Variants in RBFOX1 observed in about 807,000 individuals in gnomAD.
RBFOX1 encodes RNA binding protein fox-1 homolog 1.
Under a neutral mutation model 57.7 loss-of-function variants are expected in RBFOX1, and 8 were observed. The ratio of observed to expected loss-of-function variants is 0.14; its 90% CI spans 0.08 to 0.25. RBFOX1 has a LOEUF of 0.25. RBFOX1 is among the 10% of genes least tolerant of loss of function. The pLI is 1.00. For missense variants in RBFOX1, 611 were observed against 548.5 expected, an observed-to-expected ratio of 1.11 and a Z score of -1.14; for synonymous variants, 326 against 222.4, an observed-to-expected ratio of 1.47 and a Z score of -4.15.
chr16:6,378,770 C>G (rs1313638558), intron 2 of RBFOX1, among the ~76,000 whole-genome samples: 1 of 152,164 alleles, frequency 6.6e-6, no homozygotes. Flanking sequence ...TTATTTCCCT[C>G]ATTGCTATTA....
chr16:6,875,431 C>CTT (rs1182165791), intron 3 of RBFOX1, among the ~76,000 whole-genome samples: 1 of 152,100 alleles, frequency 6.6e-6, no homozygotes, highest in Non-Finnish European at 1.5e-5. Flanking sequence ...CAATGTGTGG[C>CTT]TTCTTCCCAG....
chr16:6,644,956 A>G (rs547591553), intron 2 of RBFOX1, among the ~76,000 whole-genome samples: 1 of 152,252 alleles, frequency 6.6e-6, no homozygotes, highest in Non-Finnish European at 1.5e-5. Flanking sequence ...AATCATCACA[A>G]TCTAGGTGCT....
chr16:7,079,143 T>C (rs2058770569), intron 4 of RBFOX1, among the ~76,000 whole-genome samples: 1 of 152,098 alleles, frequency 6.6e-6, no homozygotes, highest in Non-Finnish European at 1.5e-5. Flanking sequence ...ACATTGTCTG[T>C]TGCTGTAGGA....
chr16:5,473,457 G>A (rs2069207837), intron 2 of RBFOX1, among the ~76,000 whole-genome samples: 1 of 151,614 alleles, frequency 6.6e-6, no homozygotes, highest in South Asian at 2.1e-4. Flanking sequence ...TTCCTAATAA[G>A]CAGTACCTCA....
At chr16:5,269,383 A>G (rs2062946623) in intron 1 of RBFOX1, among the ~76,000 whole-genome samples, 1 of 152,258 alleles carries the variant, frequency 6.6e-6, no homozygotes, top group Admixed American at 6.5e-5. Flanking sequence ...TCATATTCAA[A>G]AATGAAAGCA....
chr16:5,656,552 T>C (rs1039730901), intron 3 of RBFOX1, among the ~76,000 whole-genome samples: 4 of 152,214 alleles, frequency 2.6e-5, no homozygotes, highest in African/African-American at 9.6e-5. Context: ...TCTTACACCA[T>C]AAACCTGTCC....
intron 3 of RBFOX1, among the ~76,000 whole-genome samples, chr16:6,764,677 C>T (rs924517570): frequency 1.1e-4 from 17 of 152,290 alleles, no homozygotes; most frequent in African/African-American, 4.1e-4. Flanking sequence ...TGGCTCACGC[C>T]TGTAATCCCA....
intron 4 of RBFOX1, among the ~76,000 whole-genome samples, chr16:5,955,262 C>G (rs924153858): frequency 6.9e-6 from 1 of 144,604 alleles, no homozygotes; most frequent in Non-Finnish European, 1.5e-5. Context: ...GCCTGGGTGA[C>G]AAGAGTGAGA....
At chr16:7,456,719 C>T (rs971368091) in intron 4 of RBFOX1, among the ~76,000 whole-genome samples, 3 of 151,994 alleles carry the variant, frequency 2.0e-5, no homozygotes, top group East Asian at 1.9e-4. Context: ...GATGGGTGCC[C>T]GTAGAATCGC....
chr16:5,450,852 G>C (rs747407612), intron 1 of RBFOX1, among the ~76,000 whole-genome samples: 1 of 152,178 alleles, frequency 6.6e-6, no homozygotes, highest in Non-Finnish European at 1.5e-5. Context: ...AGCCCAGTTT[G>C]GGGTAACATG....
chr16:7,199,869 T>C (rs2087837345), intron 4 of RBFOX1, among the ~76,000 whole-genome samples: 1 of 152,074 alleles, frequency 6.6e-6, no homozygotes, highest in East Asian at 1.9e-4. Flanking sequence ...TACTCCAGCC[T>C]GGGCAACAGA....
chr16:5,516,171 A>AG (rs2151733639), intron 2 of RBFOX1, among the ~76,000 whole-genome samples: 1 of 152,338 alleles, frequency 6.6e-6, no homozygotes, highest in East Asian at 1.9e-4. Context: ...ACTCCTCCAA[A>AG]GGGAGTCAAG....
intron 3 of RBFOX1, among the ~76,000 whole-genome samples, chr16:7,049,165 C>A (rs1211694433): frequency 3.3e-5 from 5 of 152,038 alleles, no homozygotes; most frequent in Non-Finnish European, 7.4e-5. Context: ...TCTAGGGTTC[C>A]CTGTTTGTTG....
intron 3 of RBFOX1, among the ~76,000 whole-genome samples, chr16:5,770,831 C>T (rs1183819410): frequency 6.6e-6 from 1 of 152,216 alleles, no homozygotes; most frequent in African/African-American, 2.4e-5. Flanking sequence ...ATGCCAAGCC[C>T]ATGACAGACA....
chr16:5,312,618 T>G (rs1567318869), intron 1 of RBFOX1, among the ~76,000 whole-genome samples: 1 of 152,218 alleles, frequency 6.6e-6, no homozygotes. Flanking sequence ...CTTGGTGACA[T>G]GTCTTAAATT....
At chr16:5,991,389 T>C (rs2060393186) in intron 4 of RBFOX1, among the ~76,000 whole-genome samples, 1 of 152,188 alleles carries the variant, frequency 6.6e-6, no homozygotes, top group Non-Finnish European at 1.5e-5. Flanking sequence ...TAGAGCGCCG[T>C]GGGCTGTGAG....
At chr16:7,429,200 A>T (rs1283860880) in intron 4 of RBFOX1, among the ~76,000 whole-genome samples, 1 of 152,164 alleles carries the variant, frequency 6.6e-6, no homozygotes, top group Non-Finnish European at 1.5e-5. Flanking sequence ...GGGGACATCT[A>T]CTGGACAGAG....
chr16:6,469,649 G>A (rs1597695067), intron 2 of RBFOX1, among the ~76,000 whole-genome samples: 1 of 152,160 alleles, frequency 6.6e-6, no homozygotes, highest in African/African-American at 2.4e-5. Flanking sequence ...CACTGGCAAC[G>A]TTCACATTTT....
exon 3 of RBFOX1, chr16:5,599,574 C>T (rs2047297952): frequency 7.4e-6 from 2 of 271,490 alleles, no homozygotes; most frequent in Non-Finnish European, 1.4e-5. Flanking sequence ...CCAAGTGTGA[C>T]CTGTTTGTGT....
Sources: allele counts gnomAD v4.1 joint callset (sites outside exome capture counted in the v4.1 genomes callset), GRCh38; gene constraint gnomAD v4.1.1; transcripts MANE v1.5; gene names NCBI Gene and HGNC (gene_info 2026-07-23, HGNC 2026-07-21).